The following DPP3 variants were observed in gnomAD, a reference collection of about 807,000 sequenced individuals.
DPP3 encodes DPP III.
DPP3 carries 64 observed loss-of-function variants against 89.8 expected under a neutral mutation model. The observed-to-expected ratio is 0.71, with a 90% confidence interval of 0.58 to 0.88. The LOEUF (loss-of-function observed/expected upper bound fraction) is 0.88. Among genes scored for constraint, DPP3 ranks in the 40% least tolerant of loss-of-function variants. The probability of loss-of-function intolerance (pLI) is 0.00; values close to 1 mark genes in which losing one functional copy is unlikely to be tolerated. For missense variants in DPP3, 835 were observed against 972.5 expected (o/e 0.86, Z 1.88); for synonymous variants, 377 against 404.3 (o/e 0.93, Z 0.81).
At chr11:66,491,445 G>A (rs1700189) in intron 7 of DPP3, 49 bp from the exon 8 acceptor site, 656,790 of 1,599,616 alleles carry the variant, frequency 0.41, 141,302 homozygotes, top group Admixed American at 0.61. Flanking sequence ...CAGAGCGGGT[G>A]TGGAGGTGGG....
intron 15 of DPP3, among the ~76,000 whole-genome samples, chr11:66,496,231 T>C (rs1855531864): frequency 6.6e-6 from 1 of 152,142 alleles, no homozygotes; most frequent in East Asian, 1.9e-4. Context: ...GGGTAAGCAA[T>C]AGAAACTTTT....
intron 17 of DPP3, among the ~76,000 whole-genome samples, chr11:66,507,367 T>G (rs530506266): frequency 5.3e-5 from 8 of 152,096 alleles, no homozygotes; most frequent in African/African-American, 1.7e-4. Flanking sequence ...CTCAGGAGAC[T>G]GAGGCAGGAG....
chr11:66,505,594 G>A (rs892240104), intron 17 of DPP3, among the ~76,000 whole-genome samples: 11 of 152,160 alleles, frequency 7.2e-5, no homozygotes, highest in African/African-American at 2.7e-4. Context: ...GGTAGGTATT[G>A]TTGTTATCCC....
At chr11:66,484,195 C>A (rs1321803429) in intron 2 of DPP3, among the ~76,000 whole-genome samples, 1 of 152,092 alleles carries the variant, frequency 6.6e-6, no homozygotes. Context: ...CCAGGATGGT[C>A]TCAATCTCCT....
At chr11:66,494,639 C>T (rs1010682748) in intron 12 of DPP3, among the ~76,000 whole-genome samples, 7 of 152,212 alleles carry the variant, frequency 4.6e-5, no homozygotes, top group Non-Finnish European at 7.3e-5. Context: ...ACAGCGTCCA[C>T]GGAGGTTGTG....
Position 66,486,683 on chromosome 11 carries a change from GC to G in DPP3, c.498+10del. On this transcript the variant is annotated splice_region_variant and intron_variant, in intron 4 of 17. Coordinates refer to ENST00000531863, the MANE Select transcript of DPP3 (RefSeq NM_130443.4). ...ACCTCGGACTGGGGAAGGAGGTGAGGCCCCTGACTCCCCCGAGGGGACAGGG... is the reference window on the plus strand; with the variant it reads ...ACCTCGGACTGGGGAAGGAGGTGAGGCCCTGACTCCCCCGAGGGGACAGGG... 1 of 1,505,664 alleles carries G rather than the reference GC, an allele frequency of 6.6e-7. No individual in the cohort carries two copies. Among genetic ancestry groups the G allele is most frequent in the Non-Finnish European group, 8.9e-7 (1 of 1,125,736 alleles). 93.3% of individuals were successfully genotyped at this position (1,505,664 alleles called of 1,614,324 possible).
chr11:66,493,612 C>G lies in DPP3; in HGVS notation c.1368C>G (p.Gly456=), dbSNP rs774099472. 1 of 1,612,604 alleles carries G rather than the reference C, an allele frequency of 6.2e-7. No individual in the cohort carries two copies. Among genetic ancestry groups the G allele is most frequent in the Non-Finnish European group, 8.5e-7 (1 of 1,179,720 alleles). ...QVGLHELLGH[G]SGKLFVQDEK... is the part of the protein sequence containing the mutation. ...GCCTGCACGAGCTGCTGGGCCATGG[C>G]AGTGGCAAGCTCTTCGTACAGGTGA... Residue 456 remains glycine (G), a synonymous_variant, in exon 12 of 18, where the codon GGC becomes GGG. Transcript: ENST00000531863.
chr11:66,498,813 G>A (rs142248259), intron 16 of DPP3, among the ~76,000 whole-genome samples: 270 of 152,126 alleles, frequency 1.8e-3, no homozygotes, highest in African/African-American at 6.0e-3. Context: ...AGGAGTTCAA[G>A]ACCAGCCTGG....
chr11:66,492,144 G>A (rs970193106), intron 9 of DPP3, among the ~76,000 whole-genome samples: 1 of 152,158 alleles, frequency 6.6e-6, no homozygotes, highest in African/African-American at 2.4e-5. Flanking sequence ...GTGTGATCTT[G>A]GGCCAAATAG....
rs370584602 is a variant in DPP3 at position 66,487,919 on chromosome 11, C to T, written c.579C>T (p.Leu193=). ...CCTGTCCTGGTCTCTTCTAGAACCT[C>T]AGTGCCTACAACACCCGGCTCTTCA... The part of the protein sequence containing the change: ...LAQDFLDSQN[L]SAYNTRLFKE... The change falls in exon 6 of 18, where the codon CTC becomes CTT. Residue 193 remains leucine, a synonymous_variant. Transcript: ENST00000531863. 1.9e-6 allele frequency: 3 copies of T among 1,614,008 alleles called. No individual in the cohort carries two copies. In the African/African-American group the frequency reaches 4.0e-5, roughly 22 times the overall value.
intron 11 of DPP3, 114 bp from the exon 12 acceptor site, chr11:66,493,426 GC>G (rs1159402676): frequency 6.4e-6 from 7 of 1,100,450 alleles, no homozygotes; most frequent in African/African-American, 1.6e-5. Flanking sequence ...AGCACAGTTG[GC>G]CTTTACCAAG....
chr11:66,495,745 C>T lies in DPP3; in HGVS notation c.1693C>T (p.Arg565Ter), dbSNP rs200449999. Residue 565 changes from arginine (R) to a stop codon, truncating the protein, a stop_gained, in exon 15 of 18, where the codon CGA (arginine) becomes TGA (stop). Transcript: ENST00000531863. LOFTEE classifies it high-confidence loss of function. ...CTACACACCTGAGGCCTTCAACTGG[C>T]GACAGGTAGGGCCTAGGTGGAGCCC... is the stretch of plus-strand genomic sequence containing the variant. The part of the protein sequence containing the change: ...EFYTPEAFNW[R>*]QAHMQARFVI... The T allele has an allele frequency of 1.6e-5, 26 of 1,606,728 alleles. No homozygotes were observed. In the Admixed American group the frequency reaches 2.0e-4, roughly 13 times the overall value.
chr11:66,482,218 C>A lies in DPP3; in HGVS notation c.18C>A (p.Tyr6Ter). The part of the protein sequence containing the change: MADTQ[Y>*]ILPNDIGVSS... ...CAGGGCCCATGGCGGACACCCAGTACATCCTGCCCAATGACATCGGCGTGT... is the reference window on the plus strand; with the variant it reads ...CAGGGCCCATGGCGGACACCCAGTAAATCCTGCCCAATGACATCGGCGTGT... The change falls in exon 2 of 18, where the codon TAC becomes TAA. Residue 6 changes from tyrosine (Y) to a stop codon, truncating the protein, a stop_gained. Transcript: ENST00000531863. LOFTEE classifies it high-confidence loss of function. The A allele has an allele frequency of 6.2e-7, 1 of 1,614,154 alleles. No homozygotes were observed. The highest frequency in any genetic ancestry group is 8.5e-7 in the Non-Finnish European group (1 of 1,180,012).
At chr11:66,495,131 G>T in intron 12 of DPP3, 75 bp from the exon 13 acceptor site, 1 of 1,609,752 alleles carries the variant, frequency 6.2e-7, no homozygotes, top group African/African-American at 1.3e-5. Flanking sequence ...GCCACTTTCC[G>T]GCCTGTGGAT....
intron 17 of DPP3, 127 bp from the exon 18 acceptor site, chr11:66,508,952 C>T: frequency 8.2e-7 from 1 of 1,213,598 alleles, no homozygotes; most frequent in Non-Finnish European, 1.2e-6. Flanking sequence ...ACGTAGAGCA[C>T]AGGTTTTTTT....
chr11:66,486,236 TCTGGC>T (rs1173837753), intron 3 of DPP3, among the ~76,000 whole-genome samples: 1 of 152,094 alleles, frequency 6.6e-6, no homozygotes, highest in Admixed American at 6.6e-5. Flanking sequence ...AGCCACTGCG[TCTGGC>T]CTAATTTTTT....
At chr11:66,503,431 G>T (rs1385836963) in intron 16 of DPP3, among the ~76,000 whole-genome samples, 1 of 152,210 alleles carries the variant, frequency 6.6e-6, no homozygotes. Context: ...CTATGAGAGA[G>T]TAGAACTATT....
chr11:66,488,068 T>C, intron 6 of DPP3, 61 bp downstream of exon 6: 2 of 1,471,164 alleles, frequency 1.4e-6, no homozygotes, highest in African/African-American at 1.4e-5. Flanking sequence ...CCTGGGTGGC[T>C]CAGGTCCTAC....
At chr11:66,506,884 G>A (rs1156714287) in intron 17 of DPP3, among the ~76,000 whole-genome samples, 1 of 151,374 alleles carries the variant, frequency 6.6e-6, no homozygotes, top group Non-Finnish European at 1.5e-5. Context: ...GTCCCTCTCT[G>A]TTCTGCTACC....
Sources: gnomAD v4.1 joint callset for allele counts (sites outside exome capture counted in the v4.1 genomes callset) on GRCh38, gnomAD v4.1.1 for gene constraint, MANE v1.5 for transcripts, NCBI Gene and HGNC (gene_info 2026-07-23, HGNC 2026-07-21) for gene names.